RALGPS1: variants seen among roughly 807,000 people sequenced by gnomAD.
RALGPS1 encodes ras-specific guanine nucleotide-releasing factor RalGPS1.
RALGPS1 carries 19 observed loss-of-function variants against 78.8 expected under a neutral mutation model. That is an observed-to-expected ratio of 0.24 (90% CI 0.17 to 0.35). RALGPS1 has a LOEUF of 0.35. Among genes scored for constraint, RALGPS1 ranks in the 10% least tolerant of loss-of-function variants. RALGPS1 has a pLI of 1.00. For synonymous variants in RALGPS1, 228 were observed against 256.3 expected, an observed-to-expected ratio of 0.89 and a Z score of 1.06; for missense variants, 454 against 688.3, an observed-to-expected ratio of 0.66 and a Z score of 3.81.
intron 2 of RALGPS1, among the ~76,000 whole-genome samples, chr9:126,964,063 A>G (rs2039195703): frequency 6.6e-6 from 1 of 152,156 alleles, no homozygotes; most frequent in South Asian, 2.1e-4. Flanking sequence ...AACTTTAAAA[A>G]TAGCCATGCC....
intron 10 of RALGPS1, 40 bp downstream of exon 10, chr9:127,168,812 C>T (rs1475414729): frequency 6.6e-7 from 1 of 1,526,346 alleles, no homozygotes; most frequent in Admixed American, 1.7e-5. Context: ...CTCCCAGCCC[C>T]ACTTTTGTCC....
intron 11 of RALGPS1, among the ~76,000 whole-genome samples, chr9:127,190,116 T>A (rs1472837963): frequency 1.3e-5 from 2 of 152,230 alleles, no homozygotes; most frequent in Non-Finnish European, 2.9e-5. Flanking sequence ...ACCCCCATCC[T>A]GCCTCATTTC....
chr9:126,915,018 A>C (rs2033954586), intron 1 of RALGPS1, 43 bp downstream of exon 1: 1 of 147,368 alleles, frequency 6.8e-6, no homozygotes, highest in African/African-American at 2.5e-5. Context: ...CGGCGGTGAG[A>C]GGCGCGGCCG....
chr9:126,997,725 C>T (rs1466531361), intron 4 of RALGPS1, among the ~76,000 whole-genome samples: 1 of 152,122 alleles, frequency 6.6e-6, no homozygotes, highest in Non-Finnish European at 1.5e-5. Context: ...AATCCTAAGC[C>T]AAAAGAACAA....
chr9:127,207,468 C>T (rs1348879021), intron 14 of RALGPS1, among the ~76,000 whole-genome samples: 1 of 152,224 alleles, frequency 6.6e-6, no homozygotes, highest in East Asian at 1.9e-4. Context: ...GTCTGTGGTT[C>T]TGGGCTATGA....
intron 3 of RALGPS1, among the ~76,000 whole-genome samples, chr9:126,966,257 G>A (rs536728513): frequency 6.6e-6 from 1 of 152,258 alleles, no homozygotes; most frequent in Non-Finnish European, 1.5e-5. Context: ...GGTGGCTCAC[G>A]CCTATAATCC....
intron 8 of RALGPS1, among the ~76,000 whole-genome samples, chr9:127,081,720 C>G (rs569654486): frequency 9.3e-4 from 141 of 152,340 alleles, no homozygotes; most frequent in Non-Finnish European, 1.7e-3. Flanking sequence ...TCTCCTGGTA[C>G]TGTGAGCCCT....
chr9:126,983,891 C>A (rs1245061843), intron 4 of RALGPS1, among the ~76,000 whole-genome samples: 1 of 151,972 alleles, frequency 6.6e-6, no homozygotes, highest in African/African-American at 2.4e-5. Flanking sequence ...CTAGGTGGTG[C>A]TGGGTACTTT....
chr9:127,188,994 T>C (rs2060858424), intron 11 of RALGPS1, among the ~76,000 whole-genome samples: 1 of 61,124 alleles, frequency 1.6e-5, no homozygotes, highest in Non-Finnish European at 2.8e-5. Context: ...AGCAAGACTG[T>C]CTCAAAAAAA....
chr9:127,039,165 C>T (rs1183505978), intron 5 of RALGPS1, among the ~76,000 whole-genome samples: 1 of 151,972 alleles, frequency 6.6e-6, no homozygotes, highest in Non-Finnish European at 1.5e-5. Flanking sequence ...AACAGAGGCC[C>T]AAGTGAGTAC....
At chr9:126,997,812 CA>C (rs2042910936) in intron 4 of RALGPS1, among the ~76,000 whole-genome samples, 1 of 152,202 alleles carries the variant, frequency 6.6e-6, no homozygotes, top group African/African-American at 2.4e-5. Context: ...GTACTGGTAC[CA>C]AAACAGAGAT....
intron 4 of RALGPS1, among the ~76,000 whole-genome samples, chr9:126,989,397 A>G (rs2042084976): frequency 1.3e-5 from 2 of 152,188 alleles, no homozygotes; most frequent in Non-Finnish European, 2.9e-5. Context: ...GTAAGGGAGC[A>G]TCATGGTGGG....
At chr9:126,977,768 C>T in intron 4 of RALGPS1, 23 bp downstream of exon 4, 1 of 1,548,698 alleles carries the variant, frequency 6.5e-7, no homozygotes, top group Non-Finnish European at 8.8e-7. Context: ...TCTTTCTACT[C>T]TTCTATTCAT....
chr9:127,150,030 T>C (rs2058330485), intron 8 of RALGPS1, among the ~76,000 whole-genome samples: 1 of 152,048 alleles, frequency 6.6e-6, no homozygotes, highest in Non-Finnish European at 1.5e-5. Context: ...GACTCAAGAG[T>C]CAGACCTGAG....
intron 11 of RALGPS1, among the ~76,000 whole-genome samples, chr9:127,179,268 CG>C (rs2060069709): frequency 6.6e-6 from 1 of 152,206 alleles, no homozygotes. Context: ...CAGACACACT[CG>C]GGGGTCCCAG....
At chr9:126,993,843 G>A (rs555171560) in intron 4 of RALGPS1, among the ~76,000 whole-genome samples, 1 of 152,254 alleles carries the variant, frequency 6.6e-6, no homozygotes, top group South Asian at 2.1e-4. Context: ...CCAGAGGAAC[G>A]ATCAGGCAGC....
chr9:127,168,802 C>T (rs761105055), intron 10 of RALGPS1, 30 bp downstream of exon 10: 1 of 1,551,714 alleles, frequency 6.4e-7, no homozygotes, highest in Non-Finnish European at 8.9e-7. Flanking sequence ...TGTGTCAGGC[C>T]TCCCAGCCCC....
At chr9:127,093,527 C>T (rs1047844706) in intron 8 of RALGPS1, among the ~76,000 whole-genome samples, 18 of 152,330 alleles carry the variant, frequency 1.2e-4, no homozygotes, top group African/African-American at 4.1e-4. Context: ...GCAGAGGAGG[C>T]GCTGGTCCTC....
intron 4 of RALGPS1, among the ~76,000 whole-genome samples, chr9:126,985,911 G>A (rs571312258): frequency 8.5e-4 from 130 of 152,328 alleles, no homozygotes; most frequent in African/African-American, 3.0e-3. Flanking sequence ...AAGGGGAAGC[G>A]CCATAGCAGA....
Sources: allele counts gnomAD v4.1 joint callset (sites outside exome capture counted in the v4.1 genomes callset), GRCh38; gene constraint gnomAD v4.1.1; transcripts MANE v1.5; gene names NCBI Gene and HGNC (gene_info 2026-07-23, HGNC 2026-07-21).